Variants in SYTL2 observed in about 807,000 individuals in gnomAD.
The protein encoded by SYTL2 is synaptotagmin like 2.
SYTL2 carries 165 observed loss-of-function variants against 198.7 expected under a neutral mutation model. The observed-to-expected ratio is 0.83, with a 90% CI of 0.73 to 0.94. The LOEUF is 0.94. Ranked by LOEUF, SYTL2 falls within the 40% of genes least tolerant of loss-of-function variation. SYTL2 has a pLI of 0.00. For synonymous variants in SYTL2, 966 were observed against 917.7 expected (o/e 1.05, Z -0.95); for missense variants, 2,835 against 2,582.8 (o/e 1.10, Z -2.12).
intron 1 of SYTL2, among the ~76,000 whole-genome samples, chr11:85,779,473 T>C (rs569689322): frequency 1.3e-5 from 2 of 152,340 alleles, no homozygotes; most frequent in South Asian, 2.1e-4. Flanking sequence ...AGAAGCAGAA[T>C]AATTTCACCT....
the SYTL2 span, among the ~76,000 whole-genome samples, chr11:85,846,531 G>T: frequency 6.6e-6 from 1 of 151,996 alleles, no homozygotes; most frequent in Non-Finnish European, 1.5e-5. Context: ...AGGTCCAAGC[G>T]ATTCTCCTGC....
intron 18 of SYTL2, among the ~76,000 whole-genome samples, chr11:85,696,904 A>T (rs192532588): frequency 3.3e-4 from 50 of 152,346 alleles, no homozygotes; most frequent in African/African-American, 1.1e-3. Flanking sequence ...CCAAATTGCT[A>T]GATTTGACTT....
chr11:85,777,818 T>C (rs2092480633), intron 1 of SYTL2, among the ~76,000 whole-genome samples: 1 of 117,586 alleles, frequency 8.5e-6, no homozygotes, highest in African/African-American at 4.4e-5. Flanking sequence ...ACTTCTTTTT[T>C]TTTTTTTTTT....
chr11:85,786,633 A>T (rs2092640122), intron 1 of SYTL2, among the ~76,000 whole-genome samples: 1 of 152,130 alleles, frequency 6.6e-6, no homozygotes, highest in Admixed American at 6.5e-5. Flanking sequence ...GAGTGTGTGT[A>T]TGTGTGTGCA....
intron 1 of SYTL2, among the ~76,000 whole-genome samples, chr11:85,798,307 G>T (rs1025654149): frequency 2.0e-5 from 3 of 152,098 alleles, no homozygotes; most frequent in African/African-American, 7.2e-5. Context: ...AATGTGATTT[G>T]GTTTACGGAA....
intron 16 of SYTL2, among the ~76,000 whole-genome samples, chr11:85,702,745 T>C (rs925614044): frequency 6.6e-6 from 1 of 152,158 alleles, no homozygotes; most frequent in African/African-American, 2.4e-5. Flanking sequence ...CGTTCTCATA[T>C]GCAATACCCC....
Position 85,726,525 on chromosome 11 carries a change from A to G in SYTL2, c.2833T>C (p.Leu945=), listed in dbSNP as rs778217495. 19 of 1,603,484 alleles carry G rather than the reference A, an allele frequency of 1.2e-5. No homozygotes were observed. Among genetic ancestry groups the G allele is most frequent in the African/African-American group, 9.3e-5 (7 of 74,920 alleles). ...SNVGSERHAP[L]EKDRPLVRES... is the part of the protein sequence containing the mutation. ...CGAACTAGAGGTCTGTCTTTCTCCA[A>G]TGGAGCATGTCGTTCACTCCCGACA... The change falls in exon 8 of 20, where the codon TTG becomes CTG. Residue 945 remains leucine (L), a synonymous_variant. Transcript: ENST00000359152.
At chr11:85,714,282 C>T (rs372839476) in intron 12 of SYTL2, 131 bp downstream of exon 12, 1 of 682,770 alleles carries the variant, frequency 1.5e-6, no homozygotes. Context: ...CTTCTATTGA[C>T]TTGAAAGGCA....
At chr11:85,762,512 AC>A (rs1404937280) in intron 1 of SYTL2, among the ~76,000 whole-genome samples, 1 of 152,150 alleles carries the variant, frequency 6.6e-6, no homozygotes, top group Non-Finnish European at 1.5e-5. Context: ...CTTCCCACTG[AC>A]CATTGACTAA....
chr11:85,753,012 T>A (rs541160696), intron 2 of SYTL2, among the ~76,000 whole-genome samples: 19 of 144,138 alleles, frequency 1.3e-4, no homozygotes, highest in African/African-American at 4.1e-4. Flanking sequence ...TGAGATCGTA[T>A]CTACTGCAAA....
chr11:85,709,764 C>A (rs188397910), intron 13 of SYTL2, among the ~76,000 whole-genome samples: 37 of 152,258 alleles, frequency 2.4e-4, no homozygotes, highest in African/African-American at 8.4e-4. Flanking sequence ...CTCACTGCAA[C>A]CTCCACCTCC....
intron 19 of SYTL2, 92 bp downstream of exon 19, chr11:85,696,091 T>C (rs944353320): frequency 9.7e-7 from 1 of 1,031,434 alleles, no homozygotes; most frequent in Non-Finnish European, 1.5e-6. Flanking sequence ...GATATCTCGG[T>C]TTTCACTGGG....
At chr11:85,832,243 T>C in the SYTL2 span, among the ~76,000 whole-genome samples, 2 of 152,342 alleles carry the variant, frequency 1.3e-5, no homozygotes, top group Admixed American at 1.3e-4. Flanking sequence ...TTTGTTACCC[T>C]CATAACAACC....
At chr11:85,830,595 GCT>G in the SYTL2 span, among the ~76,000 whole-genome samples, 1 of 151,988 alleles carries the variant, frequency 6.6e-6, no homozygotes, top group Non-Finnish European at 1.5e-5. Flanking sequence ...ACAAGAGTTT[GCT>G]CAGCCCACAA....
intron 4 of SYTL2, among the ~76,000 whole-genome samples, chr11:85,738,661 T>C (rs2090544497): frequency 6.6e-6 from 1 of 152,214 alleles, no homozygotes; most frequent in South Asian, 2.1e-4. Context: ...GCAATTTCTC[T>C]TGAATGTCAT....
chr11:85,720,389 C>T (rs924481680), intron 9 of SYTL2, among the ~76,000 whole-genome samples: 23 of 152,142 alleles, frequency 1.5e-4, no homozygotes, highest in African/African-American at 5.5e-4. Flanking sequence ...CTAAAAAGGT[C>T]ATTTCACATT....
chr11:85,733,147 G>T (rs181886137), intron 7 of SYTL2, among the ~76,000 whole-genome samples: 64 of 152,282 alleles, frequency 4.2e-4, no homozygotes, highest in African/African-American at 1.4e-3. Flanking sequence ...GCATAGTAAG[G>T]CCTCAAAGTC....
chr11:85,803,246 T>C (rs1025457373), intron 1 of SYTL2, among the ~76,000 whole-genome samples: 1 of 152,230 alleles, frequency 6.6e-6, no homozygotes. Context: ...CTAGGACAAC[T>C]CATATAAAAA....
Position 85,724,155 on chromosome 11 carries a change from C to T in SYTL2, c.5203G>A (p.Glu1735Lys). Residue 1735 changes from glutamate (E) to lysine (K), a missense_variant, in exon 8 of 20, where the codon GAA becomes AAA. Physicochemically the swap from Glu to Lys is moderately conservative, Grantham distance 56 (BLOSUM62 1). Coordinates refer to ENST00000359152, the MANE Select transcript of SYTL2 (RefSeq NM_206927.4). ...ATATATGGCGATGCTAGAGTCAATT[C>T]AACTTTACTTGTTTTTGTAGAGTTT... ...KENSTKTSKV[E>K]LTLASPYMKQ... 6.2e-7 allele frequency: 1 copy of T among 1,603,606 alleles called. No homozygotes were observed. Among genetic ancestry groups the T allele is most frequent in the South Asian group, 1.1e-5 (1 of 88,556 alleles).
Sources: gnomAD v4.1 joint callset for allele counts (sites outside exome capture counted in the v4.1 genomes callset) on GRCh38, gnomAD v4.1.1 for gene constraint, MANE v1.5 for transcripts, NCBI Gene and HGNC (gene_info 2026-07-23, HGNC 2026-07-21) for gene names.